Variants in FAM135A observed in about 807,000 individuals in gnomAD.
The protein encoded by FAM135A is family with sequence similarity 135 member A.
In FAM135A, 79 loss-of-function variants were observed where a neutral mutation model predicts 146.8. The observed-to-expected ratio is 0.54, with a 90% CI of 0.45 to 0.65. The LOEUF (loss-of-function observed/expected upper bound fraction) is 0.65, where lower values mean the gene tolerates loss of function less well. Ranked by LOEUF, FAM135A falls within the 30% of genes least tolerant of loss-of-function variation. The pLI, the probability that FAM135A is intolerant of heterozygous loss-of-function variation, is 0.00. For missense variants in FAM135A, 1,623 were observed against 1,758.2 expected (o/e 0.92, Z 1.38); for synonymous variants, 562 against 603.6 (o/e 0.93, Z 1.01).
rs551728320 is a variant in FAM135A at position 70,485,737 on chromosome 6, C to G, written c.823+3583C>G. On this transcript the variant is annotated intron_variant, in intron 10 of 21. Coordinates refer to ENST00000418814, the MANE Select transcript of FAM135A (RefSeq NM_001162529.3). ...CGGCTTTTTTGCCTTTCTCTTTTCT[C>G]CCAGATGAATGATGTACATTTTCTG... 8.5e-5 allele frequency among the ~76,000 whole-genome samples: 13 copies of G among 152,188 alleles called. No homozygotes were observed. The South Asian group carries it at 2.5e-3, about 29-fold the overall frequency.
At chr6:70,414,004 C>T (rs1300795871) in intron 1 of FAM135A, 16 of 985,712 alleles carry the variant, frequency 1.6e-5, no homozygotes, top group Non-Finnish European at 1.9e-5. Context: ...CTGAACCTCG[C>T]GCCTAGCGTG....
intron 9 of FAM135A, among the ~76,000 whole-genome samples, chr6:70,481,790 A>G (rs535965480): frequency 6.6e-6 from 1 of 152,322 alleles, no homozygotes; most frequent in South Asian, 2.1e-4. Context: ...TCTACTTGTT[A>G]TAAAAACCCA....
intron 2 of FAM135A, among the ~76,000 whole-genome samples, chr6:70,426,000 G>A (rs1303135849): frequency 6.6e-6 from 1 of 152,040 alleles, no homozygotes; most frequent in Admixed American, 6.5e-5. Flanking sequence ...CTACTCGGGA[G>A]GCTGAGGCAG....
chr6:70,559,956 C>A lies in FAM135A; in HGVS notation c.*35C>A. 6.7e-7 allele frequency: 1 copy of A among 1,486,754 alleles called. No individual in the cohort carries two copies. The highest frequency in any genetic ancestry group is 9.3e-7 in the Non-Finnish European group (1 of 1,075,354). 92.1% of individuals were successfully genotyped at this position (1,486,754 alleles called of 1,614,324 possible). A position where few individuals can be genotyped will look rare whatever the true frequency, so the allele number is the denominator to read the frequency against. ...ATTGTTAGCGACTGGACAATTACCT[C>A]ATTCAACAATGTTTCAAATAATGTA... On this transcript the variant is annotated 3_prime_UTR_variant, in exon 22 of 22. Coordinates refer to ENST00000418814, the MANE Select transcript of FAM135A (RefSeq NM_001162529.3).
intron 16 of FAM135A, among the ~76,000 whole-genome samples, chr6:70,531,888 CTTTTTTTT>C (rs869128532): frequency 0.028 from 2,363 of 85,836 alleles, 63 homozygotes; most frequent in African/African-American, 0.099. Context: ...AAACTGATTT[CTTTTTTTT>C]TTTTTTTTTT....
intron 16 of FAM135A, among the ~76,000 whole-genome samples, chr6:70,529,860 A>G (rs1254291912): frequency 6.6e-6 from 1 of 152,160 alleles, no homozygotes; most frequent in African/African-American, 2.4e-5. Context: ...CAGGAGATCA[A>G]GACCATCCTG....
Position 70,533,748 on chromosome 6 carries a change from T to G in FAM135A, c.3868-9T>G, listed in dbSNP as rs1178347027. Reference sequence around the variant, plus strand: ...CAAATATAATGTATGTGCTTTGCTTTCTTTTTAGAATGATACTTTTGCTGA... The same window carrying G: ...CAAATATAATGTATGTGCTTTGCTTGCTTTTTAGAATGATACTTTTGCTGA... On this transcript the variant is annotated splice_polypyrimidine_tract_variant and intron_variant, in intron 17 of 21. Coordinates refer to ENST00000418814, the MANE Select transcript of FAM135A (RefSeq NM_001162529.3). 1 of 1,530,956 alleles carries G rather than the reference T, an allele frequency of 6.5e-7. No homozygotes were observed. Among genetic ancestry groups the G allele is most frequent in the Non-Finnish European group, 8.9e-7 (1 of 1,125,218 alleles). The allele number at this position is 1,530,956 out of a possible 1,614,324, so 94.8% of individuals were successfully genotyped here.
At chr6:70,484,806 C>A (rs1420181020) in intron 10 of FAM135A, among the ~76,000 whole-genome samples, 1 of 152,198 alleles carries the variant, frequency 6.6e-6, no homozygotes, top group Admixed American at 6.5e-5. Context: ...AAGTACCAGT[C>A]CACAGTCTGG....
rs865905710 is a variant in FAM135A, at chr6:70,414,119, G to C, written c.-220+417G>C. 3 of 876,344 alleles carry C rather than the reference G, an allele frequency of 3.4e-6. No individual in the cohort carries two copies. In the African/African-American group the frequency reaches 5.5e-5, roughly 16 times the overall value. The allele number at this position is 876,344 out of a possible 1,614,324, so 54.3% of individuals were successfully genotyped here. Reference sequence around the variant, plus strand: ...GCCTCCCACGTGTCTTTTTGCCCGGGTGGTCCCTCCTTGGGAAGCAGCGTA... The same window carrying C: ...GCCTCCCACGTGTCTTTTTGCCCGGCTGGTCCCTCCTTGGGAAGCAGCGTA... On this transcript the variant is annotated intron_variant, in intron 1 of 21. Coordinates refer to ENST00000418814, the MANE Select transcript of FAM135A (RefSeq NM_001162529.3).
At position 70,526,262 on chromosome 6, in the gene FAM135A, A is replaced by T. The variant is rs1265877707; in HGVS notation, c.3178A>T (p.Ser1060Cys). 6.2e-7 allele frequency: 1 copy of T among 1,613,620 alleles called. No individual in the cohort carries two copies. Among genetic ancestry groups the T allele is most frequent in the Non-Finnish European group, 8.5e-7 (1 of 1,179,708 alleles). Reference protein sequence around the residue: ...DISDTCAVSYSNALSPQKETS... With the variant: ...DISDTCAVSYCNALSPQKETS... ...TTCTGACACATGTGCTGTTAGCTAC[A>T]GCAATGCACTTAGCCCTCAGAAGGA... The change falls in exon 15 of 22, where the codon AGC (serine) becomes TGC (cysteine). Residue 1060 changes from serine (S) to cysteine (C), a missense_variant. Physicochemically the swap from Ser to Cys is moderately radical, Grantham distance 112. This residue lies in a region of FAM135A where 1,061 missense variants were observed against 1,113.8 expected (regional missense o/e 0.95). Transcript: ENST00000418814.
At chr6:70,489,365 A>G (rs1785388599) in intron 10 of FAM135A, among the ~76,000 whole-genome samples, 1 of 151,482 alleles carries the variant, frequency 6.6e-6, no homozygotes, top group South Asian at 2.1e-4. Flanking sequence ...TTAGTGATCT[A>G]TTTTTTGGTA....
At chr6:70,492,989 T>C (rs1394990844) in intron 11 of FAM135A, among the ~76,000 whole-genome samples, 1 of 152,074 alleles carries the variant, frequency 6.6e-6, no homozygotes, top group African/African-American at 2.4e-5. Flanking sequence ...TATTTGATAA[T>C]CTGTTCTACA....
chr6:70,550,803 T>G lies in FAM135A; in HGVS notation c.4229-5947T>G, dbSNP rs143266767. ...TATGAAGTCATGGATGGCATCTTCT[T>G]TCAATAGAAGGCAATTTTTTCAACA... On this transcript the variant is annotated intron_variant, in intron 20 of 21. Coordinates refer to ENST00000418814, the MANE Select transcript of FAM135A (RefSeq NM_001162529.3). Among the ~76,000 whole-genome samples, 492 of 152,318 alleles carry G rather than the reference T, an allele frequency of 3.2e-3. 3 individuals are homozygous for G. The highest frequency in any genetic ancestry group is 0.011 in the African/African-American group (462 of 41,570).
At chr6:70,455,705 A>G (rs186009262) in intron 5 of FAM135A, among the ~76,000 whole-genome samples, 15 of 152,318 alleles carry the variant, frequency 9.8e-5, no homozygotes, top group Admixed American at 7.8e-4. Context: ...CTCAGATTTT[A>G]GTTGGTGAGA....
rs41265351 is a variant in FAM135A at position 70,475,583 on chromosome 6, T to G, written c.297+34T>G. ...CTCTTCATATTTATTTATGTAAATA[T>G]TTTTTGTAATGCCTCAAGATGTTAT... On this transcript the variant is annotated intron_variant, in intron 6 of 21. Transcript: ENST00000418814. The G allele has an allele frequency of 4.3e-3, 6,703 of 1,574,622 alleles. 21 individuals are homozygous for G. Among genetic ancestry groups the G allele is most frequent in the Non-Finnish European group, 5.0e-3 (5,773 of 1,159,548 alleles).
intron 13 of FAM135A, 150 bp from the exon 14 acceptor site, chr6:70,523,817 A>G (rs1407206223): frequency 4.8e-6 from 3 of 627,820 alleles, no homozygotes; most frequent in Non-Finnish European, 5.2e-6. Flanking sequence ...ACCAGTTTTT[A>G]TCGCTGACCA....
intron 5 of FAM135A, among the ~76,000 whole-genome samples, chr6:70,463,001 A>G (rs1582297144): frequency 6.6e-6 from 1 of 152,168 alleles, no homozygotes; most frequent in South Asian, 2.1e-4. Flanking sequence ...TTCCTTTGAG[A>G]GCCACTGAAA....
intron 10 of FAM135A, 82 bp from the exon 11 acceptor site, chr6:70,490,952 T>G: frequency 1.0e-6 from 1 of 991,164 alleles, no homozygotes; most frequent in Non-Finnish European, 1.4e-6. Context: ...CATTCTTAAT[T>G]TTCAGTTTTT....
intron 10 of FAM135A, among the ~76,000 whole-genome samples, chr6:70,486,767 A>G (rs1190575774): frequency 6.6e-6 from 1 of 152,102 alleles, no homozygotes; most frequent in Non-Finnish European, 1.5e-5. Context: ...CGTCTCTACT[A>G]AAAATACAAA....
Sources: allele counts gnomAD v4.1 joint callset (sites outside exome capture counted in the v4.1 genomes callset), GRCh38; gene constraint gnomAD v4.1.1; regional missense constraint gnomAD v4.1.1; transcripts MANE v1.5; gene names NCBI Gene and HGNC (gene_info 2026-07-23, HGNC 2026-07-21).